The following ROBO2 variants were observed in gnomAD, a reference collection of about 807,000 sequenced individuals.
ROBO2 encodes the protein roundabout guidance receptor 2, also known as roundabout homolog 2.
Under a neutral mutation model 160.8 loss-of-function variants are expected in ROBO2, and 53 were observed. That is an observed-to-expected ratio of 0.33 (90% confidence interval 0.26 to 0.41). The LOEUF (loss-of-function observed/expected upper bound fraction) is 0.41, where lower values mean the gene tolerates loss of function less well. Among genes scored for constraint, ROBO2 ranks in the 10% least tolerant of loss-of-function variants. The probability of loss-of-function intolerance (pLI) is 1.00; values close to 1 mark genes in which losing one functional copy is unlikely to be tolerated. For synonymous variants in ROBO2, 664 were observed against 611.7 expected (o/e 1.09, Z -1.26); for missense variants, 1,577 against 1,722.4 (o/e 0.92, Z 1.49).
At chr3:77,012,338 T>G (rs2061973183) in intron 2 of ROBO2, among the ~76,000 whole-genome samples, 1 of 152,206 alleles carries the variant, frequency 6.6e-6, no homozygotes, top group African/African-American at 2.4e-5. Flanking sequence ...CTCTTTTGTT[T>G]ACTTTCTATT....
intron 2 of ROBO2, among the ~76,000 whole-genome samples, chr3:76,917,032 G>A (rs1209192769): frequency 6.6e-6 from 1 of 152,056 alleles, no homozygotes; most frequent in Non-Finnish European, 1.5e-5. Context: ...GCTTAAAAGG[G>A]GGCCTTTAAA....
intron 2 of ROBO2, among the ~76,000 whole-genome samples, chr3:76,702,105 T>C (rs72890216): frequency 0.017 from 2,518 of 152,184 alleles, 82 homozygotes; most frequent in African/African-American, 0.058. Flanking sequence ...TTATATTTTC[T>C]ATATTTAAAT....
chr3:77,410,743 T>TCTTCCTCCTCCTC (rs2076724877), intron 2 of ROBO2, among the ~76,000 whole-genome samples: 2 of 29,590 alleles, frequency 6.8e-5, no homozygotes, highest in African/African-American at 3.1e-4. Context: ...TCCTCCTCCT[T>TCTTCCTCCTCCTC]TTCCTCCTCC....
chr3:77,566,167 A>T (rs1007491860), intron 12 of ROBO2, among the ~76,000 whole-genome samples: 1 of 152,060 alleles, frequency 6.6e-6, no homozygotes, highest in African/African-American at 2.4e-5. Context: ...ATTATAACGG[A>T]GAAGGGCACC....
intron 2 of ROBO2, among the ~76,000 whole-genome samples, chr3:77,267,901 A>G (rs2059241365): frequency 6.6e-6 from 1 of 152,184 alleles, no homozygotes; most frequent in Non-Finnish European, 1.5e-5. Context: ...TCTCCAACTA[A>G]TGGCTCACAA....
At chr3:76,030,846 A>G (rs979337999) in intron 2 of ROBO2, among the ~76,000 whole-genome samples, 3 of 152,066 alleles carry the variant, frequency 2.0e-5, no homozygotes, top group East Asian at 3.9e-4. Context: ...TCTTGGCAAT[A>G]CAGGCTCTTT....
chr3:76,020,882 CT>C (rs1159520509), intron 2 of ROBO2, among the ~76,000 whole-genome samples: 46 of 151,810 alleles, frequency 3.0e-4, no homozygotes, highest in African/African-American at 1.1e-3. Context: ...TTTATGTTTA[CT>C]TACATCTTAC....
chr3:75,982,292 A>C (rs2065301659), intron 2 of ROBO2, among the ~76,000 whole-genome samples: 1 of 151,314 alleles, frequency 6.6e-6, no homozygotes, highest in South Asian at 2.1e-4. Context: ...TATACTTAGC[A>C]GTGGGATTGC....
intron 2 of ROBO2, among the ~76,000 whole-genome samples, chr3:76,212,825 T>G (rs1447620452): frequency 1.4e-5 from 2 of 141,772 alleles, no homozygotes; most frequent in Non-Finnish European, 3.1e-5. Flanking sequence ...TGAGATACCT[T>G]GGTACTAACC....
chr3:77,490,583 A>G (rs1451213012), intron 4 of ROBO2, among the ~76,000 whole-genome samples: 2 of 152,098 alleles, frequency 1.3e-5, no homozygotes, highest in East Asian at 1.9e-4. Flanking sequence ...TTGAAAATTT[A>G]TTTGGCTTCA....
At chr3:76,190,446 G>A (rs955284842) in intron 2 of ROBO2, among the ~76,000 whole-genome samples, 2 of 152,066 alleles carry the variant, frequency 1.3e-5, no homozygotes, top group African/African-American at 4.8e-5. Flanking sequence ...CTGAGGCTGA[G>A]TCAGATTTTA....
At chr3:76,564,329 T>A (rs1055136345) in intron 2 of ROBO2, among the ~76,000 whole-genome samples, 1 of 151,782 alleles carries the variant, frequency 6.6e-6, no homozygotes, top group Non-Finnish European at 1.5e-5. Flanking sequence ...TCATAAATGC[T>A]TTTATGAGCC....
intron 2 of ROBO2, among the ~76,000 whole-genome samples, chr3:77,326,652 G>T (rs1271083916): frequency 6.6e-6 from 1 of 152,048 alleles, no homozygotes; most frequent in East Asian, 1.9e-4. Context: ...AAATCACAAA[G>T]GTCTGGGGGA....
chr3:76,152,947 C>T (rs542368031), intron 2 of ROBO2, among the ~76,000 whole-genome samples: 5 of 152,220 alleles, frequency 3.3e-5, no homozygotes, highest in African/African-American at 1.2e-4. Context: ...CTGCCTTCTT[C>T]TAAATTCCAG....
chr3:76,992,931 C>T (rs1559813630), intron 2 of ROBO2, among the ~76,000 whole-genome samples: 1 of 152,112 alleles, frequency 6.6e-6, no homozygotes, highest in Non-Finnish European at 1.5e-5. Flanking sequence ...GATTCTCCTG[C>T]CTCAGCCTTC....
chr3:76,982,232 A>C (rs925975667), intron 2 of ROBO2, among the ~76,000 whole-genome samples: 15 of 152,078 alleles, frequency 9.9e-5, no homozygotes, highest in African/African-American at 3.4e-4. Flanking sequence ...CCTTTGAACT[A>C]TTTTGACTTA....
intron 2 of ROBO2, among the ~76,000 whole-genome samples, chr3:77,325,916 G>A (rs80231586): frequency 0.017 from 2,590 of 152,214 alleles, 37 homozygotes; most frequent in African/African-American, 0.034. Context: ...TCCAAGATCC[G>A]TGCTTTCACC....
intron 2 of ROBO2, among the ~76,000 whole-genome samples, chr3:76,109,850 CTAT>C (rs1659418396): frequency 6.6e-6 from 1 of 151,772 alleles, no homozygotes; most frequent in South Asian, 2.1e-4. Flanking sequence ...TCTACAATGT[CTAT>C]TATTCTACTC....
intron 6 of ROBO2, among the ~76,000 whole-genome samples, chr3:77,525,458 A>T (rs1339126113): frequency 6.6e-6 from 1 of 150,902 alleles, no homozygotes; most frequent in Non-Finnish European, 1.5e-5. Context: ...GCTGAACATC[A>T]AGAAGCTCCC....
Sources: allele counts gnomAD v4.1 joint callset (sites outside exome capture counted in the v4.1 genomes callset), GRCh38; gene constraint gnomAD v4.1.1; transcripts MANE v1.5; gene names NCBI Gene and HGNC (gene_info 2026-07-23, HGNC 2026-07-21).